Variants in ASTN2 observed in about 807,000 individuals in gnomAD.
ASTN2 encodes astrotactin-2.
In ASTN2, 54 loss-of-function variants were observed where a neutral mutation model predicts 139.8. That is an observed-to-expected ratio of 0.39 (90% confidence interval 0.31 to 0.48). The LOEUF (loss-of-function observed/expected upper bound fraction) is 0.48, where lower values mean the gene tolerates loss of function less well. Among genes scored for constraint, ASTN2 ranks in the 20% least tolerant of loss-of-function variants. ASTN2 has a pLI of 0.95. For synonymous variants in ASTN2, 756 were observed against 719.5 expected (o/e 1.05, Z -0.81); for missense variants, 1,565 against 1,725.1 (o/e 0.91, Z 1.64).
At chr9:117,083,589 C>T (rs114795765) in intron 5 of ASTN2, among the ~76,000 whole-genome samples, 1,573 of 152,164 alleles carry the variant, frequency 0.01, 30 homozygotes, top group African/African-American at 0.036. Context: ...CGTCTCACAG[C>T]GTTGGGAAGA....
chr9:116,728,195 T>C (rs10491577), intron 15 of ASTN2, among the ~76,000 whole-genome samples: 14,107 of 152,162 alleles, frequency 0.093, 742 homozygotes, highest in East Asian at 0.18. Context: ...TTTGTTAGTT[T>C]TGGAGATACT....
At chr9:117,141,075 G>T (rs2132857100) in intron 4 of ASTN2, among the ~76,000 whole-genome samples, 1 of 152,212 alleles carries the variant, frequency 6.6e-6, no homozygotes, top group East Asian at 1.9e-4. Context: ...ATATATAGTT[G>T]CTAATCTCAA....
chr9:116,809,558 A>G (rs1476883029), intron 12 of ASTN2, among the ~76,000 whole-genome samples: 1 of 152,096 alleles, frequency 6.6e-6, no homozygotes, highest in Non-Finnish European at 1.5e-5. Flanking sequence ...AAATTTCCTG[A>G]CTGCTCTTCC....
At chr9:117,086,076 A>C (rs1233115872) in intron 5 of ASTN2, among the ~76,000 whole-genome samples, 1 of 152,218 alleles carries the variant, frequency 6.6e-6, no homozygotes, top group East Asian at 1.9e-4. Flanking sequence ...CAGCATAGAG[A>C]TAATTCAATA....
intron 7 of ASTN2, among the ~76,000 whole-genome samples, chr9:116,997,996 T>G (rs1462758412): frequency 6.6e-6 from 1 of 152,206 alleles, no homozygotes; most frequent in African/African-American, 2.4e-5. Context: ...GAAATGGGAT[T>G]TATGAGTTAC....
At chr9:117,189,296 A>C (rs747340297) in intron 3 of ASTN2, among the ~76,000 whole-genome samples, 1 of 152,220 alleles carries the variant, frequency 6.6e-6, no homozygotes, top group Non-Finnish European at 1.5e-5. Context: ...AAACATATTT[A>C]GCAATCTCCT....
At chr9:116,523,914 A>T (rs1049235209) in intron 19 of ASTN2, among the ~76,000 whole-genome samples, 1 of 152,198 alleles carries the variant, frequency 6.6e-6, no homozygotes, top group Non-Finnish European at 1.5e-5. Flanking sequence ...GAGTTCCATA[A>T]GGAAATAATT....
At position 117,362,099 on chromosome 9, in the gene ASTN2, C is replaced by G. The variant is rs570418495; in HGVS notation, c.442+52398G>C. Among the ~76,000 whole-genome samples the G allele has an allele frequency of 3.3e-5, 5 of 152,260 alleles. No homozygotes were observed. In the East Asian group the frequency reaches 7.8e-4, roughly 24 times the overall value. ...AGGTGATTCTCCTGCCTTAGCCTCC[C>G]AAGTGGCTGGTATTACAGGCATGCA... On this transcript the variant is annotated intron_variant, in intron 1 of 22. Transcript: ENST00000313400.
intron 20 of ASTN2, among the ~76,000 whole-genome samples, chr9:116,465,704 C>T (rs1456067030): frequency 1.3e-5 from 2 of 152,084 alleles, no homozygotes; most frequent in Admixed American, 6.6e-5. Context: ...GATCATGGCG[C>T]AAATTTAAAA....
intron 19 of ASTN2, among the ~76,000 whole-genome samples, chr9:116,500,379 T>A (rs1849813510): frequency 6.6e-6 from 1 of 152,200 alleles, no homozygotes; most frequent in South Asian, 2.1e-4. Context: ...GAAGAGGTAC[T>A]GGAACCAGAT....
intron 17 of ASTN2, among the ~76,000 whole-genome samples, chr9:116,631,233 A>G (rs1388277382): frequency 6.6e-6 from 1 of 152,248 alleles, no homozygotes; most frequent in Non-Finnish European, 1.5e-5. Flanking sequence ...TAAAATCAGT[A>G]TGCTAAAGAG....
At chr9:116,994,452 T>C (rs1836953199) in intron 7 of ASTN2, among the ~76,000 whole-genome samples, 1 of 152,136 alleles carries the variant, frequency 6.6e-6, no homozygotes, top group Admixed American at 6.5e-5. Flanking sequence ...TCAATAAATA[T>C]TTTGAATGAA....
chr9:116,536,653 G>A (rs1457631721), intron 19 of ASTN2, among the ~76,000 whole-genome samples: 2 of 152,374 alleles, frequency 1.3e-5, no homozygotes, highest in East Asian at 1.9e-4. Flanking sequence ...TATCAGCAGC[G>A]GAGGCTGCAG....
chr9:117,342,026 T>A (rs1282391112), intron 1 of ASTN2, among the ~76,000 whole-genome samples: 1 of 152,220 alleles, frequency 6.6e-6, no homozygotes, highest in Non-Finnish European at 1.5e-5. Flanking sequence ...TATTCTCTTC[T>A]GGATGCCTAG....
chr9:117,042,795 C>G (rs1039121911), intron 5 of ASTN2, among the ~76,000 whole-genome samples: 2 of 152,188 alleles, frequency 1.3e-5, no homozygotes, highest in African/African-American at 2.4e-5. Context: ...TTACCCCACC[C>G]TAATCATTTA....
intron 13 of ASTN2, among the ~76,000 whole-genome samples, chr9:116,788,963 C>A (rs1463550291): frequency 2.0e-5 from 3 of 152,104 alleles, no homozygotes; most frequent in African/African-American, 7.2e-5. Context: ...AAAGCTGAAG[C>A]AAATTTAATT....
At chr9:116,838,120 TG>T (rs756187582) in intron 11 of ASTN2, among the ~76,000 whole-genome samples, 51 of 125,826 alleles carry the variant, frequency 4.1e-4, no homozygotes, top group East Asian at 9.9e-4. Context: ...TGTTTTGTTT[TG>T]TTTTTTGAGA....
chr9:116,831,772 T>C (rs1831821286), intron 11 of ASTN2, among the ~76,000 whole-genome samples: 1 of 152,184 alleles, frequency 6.6e-6, no homozygotes, highest in Non-Finnish European at 1.5e-5. Flanking sequence ...TTCGTTTAAA[T>C]TCCAGAAAAA....
chr9:116,469,969 C>G (rs751464892), intron 20 of ASTN2, among the ~76,000 whole-genome samples: 13 of 152,136 alleles, frequency 8.5e-5, no homozygotes, highest in African/African-American at 3.1e-4. Context: ...CTTTAGGAGG[C>G]CGAGGTGGCA....
Sources: gnomAD v4.1 joint callset for allele counts (sites outside exome capture counted in the v4.1 genomes callset) on GRCh38, gnomAD v4.1.1 for gene constraint, MANE v1.5 for transcripts, NCBI Gene and HGNC (gene_info 2026-07-23, HGNC 2026-07-21) for gene names.